The following GMPPB variants were observed in gnomAD, a reference collection of about 807,000 sequenced individuals.
The protein encoded by GMPPB is mannose-1-phosphate guanylyltransferase catalytic subunit beta.
Under a neutral mutation model 40.3 loss-of-function variants are expected in GMPPB, and 38 were observed. That is an observed-to-expected ratio of 0.94 (90% CI 0.73 to 1.24). The LOEUF (loss-of-function observed/expected upper bound fraction) is 1.24. Ranked by LOEUF, GMPPB falls within the 50% of genes most tolerant of loss-of-function variation. The probability of loss-of-function intolerance (pLI) is 0.00; values close to 1 mark genes in which losing one functional copy is unlikely to be tolerated. For synonymous variants in GMPPB, 193 were observed against 191.8 expected, an observed-to-expected ratio of 1.01 and a Z score of -0.05; for missense variants, 436 against 487.1, an observed-to-expected ratio of 0.90 and a Z score of 0.99.
intron 4 of GMPPB, 69 bp from the exon 5 acceptor site, chr3:49,722,823 G>C (rs2080438571): frequency 6.5e-7 from 1 of 1,542,090 alleles, no homozygotes. Flanking sequence ...TGCCGTTCCA[G>C]ATCTCAAGAG....
At position 49,720,762 on chromosome 3, in the gene GMPPB, C is replaced by T. The variant is rs761187921; in HGVS notation, c.*990G>A. On this transcript the variant is annotated 3_prime_UTR_variant, in exon 9 of 9. Coordinates refer to ENST00000308388, the MANE Select transcript of GMPPB (RefSeq NM_021971.4). Reference sequence around the variant, plus strand: ...GAATATTCAAGAGGCATCACATCCTCAGCTACCTCTGACTTGACACTACCT... The same window carrying T: ...GAATATTCAAGAGGCATCACATCCTTAGCTACCTCTGACTTGACACTACCT... The T allele has an allele frequency of 3.1e-6, 5 of 1,612,712 alleles. No individual in the cohort carries two copies. Among genetic ancestry groups the T allele is most frequent in the African/African-American group, 2.7e-5 (2 of 74,890 alleles).
rs1233054949 is a variant in GMPPB at position 49,720,495 on chromosome 3, ACCCT to A, written c.*1253_*1256del. 13 of 1,542,614 alleles carry A rather than the reference ACCCT, an allele frequency of 8.4e-6. No individual in the cohort carries two copies. Among genetic ancestry groups the A allele is most frequent in the Non-Finnish European group, 1.1e-5 (13 of 1,143,356 alleles). Reference sequence around the variant, plus strand: ...CCCCAAGCCTTCTGACTGCCCTTGCACCCTCCCCTACCTAGGAGAGAGCAAGCCA... The same window carrying A: ...CCCCAAGCCTTCTGACTGCCCTTGCACCCCTACCTAGGAGAGAGCAAGCCA... On this transcript the variant is annotated 3_prime_UTR_variant, in exon 9 of 9. Transcript: ENST00000308388.
intron 2 of GMPPB, 23 bp from the exon 3 acceptor site, chr3:49,723,325 G>A (rs1382554277): frequency 6.2e-7 from 1 of 1,614,112 alleles, no homozygotes; most frequent in East Asian, 2.2e-5. Context: ...GGCCCCCCCA[G>A]TCAGGTTCTA....
In GMPPB at chr3:49,722,697, CTG is replaced by C. The variant is rs1553691918; in HGVS notation, c.458_459del (p.Thr153ArgfsTer17). The C allele has an allele frequency of 1.2e-6, 2 of 1,613,866 alleles. No homozygotes were observed. The highest frequency in any genetic ancestry group is 1.6e-4 in the Middle Eastern group (1 of 6,062). On this transcript the variant is annotated frameshift_variant, in exon 5 of 9. Coordinates refer to ENST00000308388, the MANE Select transcript of GMPPB (RefSeq NM_021971.4). LOFTEE classifies it high-confidence loss of function. Reference sequence around the variant, plus strand: ...TTCTCCACGAACCGGTGAATGCGGCCTGTGTCAGCCTCACACACCACCACACC... The same window carrying C: ...TTCTCCACGAACCGGTGAATGCGGCCTGTCAGCCTCACACACCACCACACC... ...KYGVVVCEAD[T>X]GRIHRFVEKP...
chr3:49,722,993 A>T lies in GMPPB; in HGVS notation c.381T>A (p.His127Gln). The T allele has an allele frequency of 1.2e-6, 2 of 1,613,874 alleles. No individual in the cohort carries two copies. Among genetic ancestry groups the T allele is most frequent in the Non-Finnish European group, 1.7e-6 (2 of 1,179,948 alleles). ...TTACCAGGATGGAGCCCTCCTGGCCATGGTGCCGGTGGAACTGCACCATGG... is the reference window on the plus strand; with the variant it reads ...TTACCAGGATGGAGCCCTCCTGGCCTTGGTGCCGGTGGAACTGCACCATGG... ...FQAMVQFHRH[H>Q]GQEGSILVTK... The change falls in exon 4 of 9, where the codon CAT (histidine) becomes CAA (glutamine). Residue 127 changes from histidine to glutamine, a missense_variant. Transcript: ENST00000308388.
chr3:49,722,125 T>C lies in GMPPB; in HGVS notation c.791A>G (p.Gln264Arg), dbSNP rs1304295361. 5 of 1,612,248 alleles carry C rather than the reference T, an allele frequency of 3.1e-6. No homozygotes were observed. The highest frequency in any genetic ancestry group is 1.7e-5 in the Admixed American group (1 of 60,004). Residue 264 changes from glutamine (Q) to arginine (R), a missense_variant, in exon 8 of 9, where the codon CAG (glutamine) becomes CGG (arginine). Transcript: ENST00000308388. ...VLVDPSARIG[Q>R]NCSIGPNVSL... ...CACATTGGGGCCAATGCTGCAGTTC[T>C]GGCCGATGCGGGCACTTGGGTCCTG...
Position 49,722,126 on chromosome 3 carries a change from G to A in GMPPB, c.790C>T (p.Gln264Ter), listed in dbSNP as rs763971677. 3 of 1,612,006 alleles carry A rather than the reference G, an allele frequency of 1.9e-6. No individual in the cohort carries two copies. Among genetic ancestry groups the A allele is most frequent in the Non-Finnish European group, 1.7e-6 (2 of 1,178,752 alleles). ...ACATTGGGGCCAATGCTGCAGTTCT[G>A]GCCGATGCGGGCACTTGGGTCCTGA... Reference protein sequence around the residue: ...VLVDPSARIGQNCSIGPNVSL... With the variant: ...VLVDPSARIG Residue 264 changes from glutamine to a stop codon, truncating the protein, a stop_gained, in exon 8 of 9, where the codon CAG (glutamine) becomes TAG (stop). Coordinates refer to ENST00000308388, the MANE Select transcript of GMPPB (RefSeq NM_021971.4). LOFTEE classifies it high-confidence loss of function.
rs1475452426 is a variant in GMPPB at position 49,720,698 on chromosome 3, C to G, written c.*1054G>C. On this transcript the variant is annotated 3_prime_UTR_variant, in exon 9 of 9. Coordinates refer to ENST00000308388, the MANE Select transcript of GMPPB (RefSeq NM_021971.4). ...AGGTCAGGGAAATCTGGGGCTGGGTCGGGTCAGGAGCCTTAAGAACAGCAA... is the reference window on the plus strand; with the variant it reads ...AGGTCAGGGAAATCTGGGGCTGGGTGGGGTCAGGAGCCTTAAGAACAGCAA... 7.5e-6 allele frequency: 12 copies of G among 1,597,192 alleles called. No individual in the cohort carries two copies. Among genetic ancestry groups the G allele is most frequent in the South Asian group, 4.4e-5 (4 of 90,172 alleles).
At chr3:49,723,564 C>T in intron 1 of GMPPB, 34 bp downstream of exon 1, 1 of 1,606,762 alleles carries the variant, frequency 6.2e-7, no homozygotes, top group South Asian at 1.1e-5. Flanking sequence ...CCGCCAGATC[C>T]GAACGCGACT....
Position 49,721,184 on chromosome 3 carries a change from G to A in GMPPB, c.*568C>T, listed in dbSNP as rs1207444299. ...AGTCCTCATCCCCTCCCCTGTTGTA[G>A]AGCCTGTATCAACCAGCACCTGATG... On this transcript the variant is annotated 3_prime_UTR_variant, in exon 9 of 9. Transcript: ENST00000308388. 1 of 1,614,198 alleles carries A rather than the reference G, an allele frequency of 6.2e-7. No individual in the cohort carries two copies. The highest frequency in any genetic ancestry group is 1.7e-5 in the Admixed American group (1 of 60,026).
rs765317497 is a variant in GMPPB, at chr3:49,722,290, T to TCAGTGA, written c.703_708dup (p.Ser235_Leu236dup). ...CACAGCCGCTCAGGCTGCTTCTGCC[T>TCAGTGA]CAGTGACTGCAGGAAGAGGCACATG... On this transcript the variant is annotated inframe_insertion, in exon 7 of 9. Coordinates refer to ENST00000308388, the MANE Select transcript of GMPPB (RefSeq NM_021971.4). The TCAGTGA allele has an allele frequency of 1.9e-6, 3 of 1,613,862 alleles. No homozygotes were observed. The highest frequency in any genetic ancestry group is 2.5e-6 in the Non-Finnish European group (3 of 1,180,020).
In GMPPB at chr3:49,723,383, G is replaced by A. The variant is rs775118468; in HGVS notation, c.210+9C>T. On this transcript the variant is annotated intron_variant, in intron 2 of 8. Coordinates refer to ENST00000308388, the MANE Select transcript of GMPPB (RefSeq NM_021971.4). The stretch of plus-strand genomic sequence containing the variant: ...GACCGAGAATAAGGGCCAAGAGTCT[G>A]TGCCTCACCCTCTGCTCCTGTGCCT... The A allele has an allele frequency of 1.4e-5, 22 of 1,613,936 alleles. No individual in the cohort carries two copies. The East Asian group carries it at 4.7e-4, about 34-fold the overall frequency.
chr3:49,721,767 A>C lies in GMPPB; in HGVS notation c.1068T>G (p.Pro356=). ...HKSIGESVPE[P]RIIM ...CTGCATCCCCTCACATGATGATACG[A>C]GGCTCTGGCACTGACTCGCCAATAG... The change falls in exon 9 of 9, where the codon CCT becomes CCG. Residue 356 remains proline, a synonymous_variant. Transcript: ENST00000308388. 6.2e-7 allele frequency: 1 copy of C among 1,605,336 alleles called. No individual in the cohort carries two copies. Among genetic ancestry groups the C allele is most frequent in the Non-Finnish European group, 8.5e-7 (1 of 1,178,010 alleles).
At position 49,723,089 on chromosome 3, in the gene GMPPB, G is replaced by A. The variant is rs1216874318; in HGVS notation, c.285C>T (p.Asp95=). The A allele has an allele frequency of 6.2e-7, 1 of 1,613,950 alleles. No homozygotes were observed. The highest frequency in any genetic ancestry group is 8.5e-7 in the Non-Finnish European group (1 of 1,179,950). Residue 95 remains aspartate, a synonymous_variant, in exon 4 of 9, where the codon GAC becomes GAT. Coordinates refer to ENST00000308388, the MANE Select transcript of GMPPB (RefSeq NM_021971.4). The part of the protein sequence containing the change: ...GTAGPLALAR[D]LLSETADPFF... ...AAGGGTCTGCAGTCTCAGAGAGTAG[G>A]TCACGGGCCAGCGCCAGGGGCCCAG...
Position 49,723,638 on chromosome 3 carries a change from T to C in GMPPB, c.89A>G (p.Asn30Ser), listed in dbSNP as rs754181889. The stretch of plus-strand genomic sequence containing the variant: ...CACTTGGTGCAGCAAGATGGGCTTA[T>C]TGCAGAAGTCCACCAGTGGCTTCGG... ...STPKPLVDFC[N>S]KPILLHQVEA... The change falls in exon 1 of 9, where the codon AAT (asparagine) becomes AGT (serine). Residue 30 changes from asparagine to serine, a missense_variant. Physicochemically the swap from Asn to Ser is conservative, Grantham distance 46 (BLOSUM62 1). Coordinates refer to ENST00000308388, the MANE Select transcript of GMPPB (RefSeq NM_021971.4). 9 of 1,584,156 alleles carry C rather than the reference T, an allele frequency of 5.7e-6. No homozygotes were observed. Among genetic ancestry groups the C allele is most frequent in the East Asian group, 4.5e-5 (2 of 44,684 alleles).
At position 49,722,701 on chromosome 3, in the gene GMPPB, G is replaced by A. The variant is rs539980850; in HGVS notation, c.456C>T (p.Asp152=). Residue 152 remains aspartate, a synonymous_variant, in exon 5 of 9, where the codon GAC becomes GAT. Transcript: ENST00000308388. ...CCACGAACCGGTGAATGCGGCCTGT[G>A]TCAGCCTCACACACCACCACACCGT... ...SKYGVVVCEA[D]TGRIHRFVEK... 3.7e-6 allele frequency: 6 copies of A among 1,613,836 alleles called. No homozygotes were observed. The African/African-American group carries it at 6.7e-5, about 18-fold the overall frequency.
rs984447132 is a variant in GMPPB at position 49,721,158 on chromosome 3, C to T, written c.*594G>A. On this transcript the variant is annotated 3_prime_UTR_variant, in exon 9 of 9. Transcript: ENST00000308388. ...GGGAGAGCAGTAGGTACATGCAGGGCAGTCCTCATCCCCTCCCCTGTTGTA... is the reference window on the plus strand; with the variant it reads ...GGGAGAGCAGTAGGTACATGCAGGGTAGTCCTCATCCCCTCCCCTGTTGTA... The T allele has an allele frequency of 6.2e-7, 1 of 1,614,124 alleles. No homozygotes were observed.
chr3:49,721,772 C>T lies in GMPPB; in HGVS notation c.1063G>A (p.Glu355Lys). ...TCCCCTCACATGATGATACGAGGCT[C>T]TGGCACTGACTCGCCAATAGACTTG... ...PHKSIGESVPEPRIIM is the reference protein window; with the variant it reads ...PHKSIGESVPKPRIIM Residue 355 changes from glutamate (E) to lysine (K), a missense_variant, in exon 9 of 9, where the codon GAG becomes AAG. Coordinates refer to ENST00000308388, the MANE Select transcript of GMPPB (RefSeq NM_021971.4). 6.2e-7 allele frequency: 1 copy of T among 1,607,344 alleles called. No individual in the cohort carries two copies. The highest frequency in any genetic ancestry group is 2.2e-5 in the East Asian group (1 of 44,882).
In GMPPB at chr3:49,723,013, C is replaced by T. The variant is rs754597337; in HGVS notation, c.361G>A (p.Val121Met). The change falls in exon 4 of 9, where the codon GTG (valine) becomes ATG (methionine). Residue 121 changes from valine (V) to methionine (M), a missense_variant. Transcript: ENST00000308388. ...VICDFPFQAM[V>M]QFHRHHGQEG... Reference sequence around the variant, plus strand: ...TGGCCATGGTGCCGGTGGAACTGCACCATGGCTTGGAAGGGGAAATCGCAG... The same window carrying T: ...TGGCCATGGTGCCGGTGGAACTGCATCATGGCTTGGAAGGGGAAATCGCAG... The T allele has an allele frequency of 1.2e-6, 2 of 1,613,816 alleles. No individual in the cohort carries two copies. Among genetic ancestry groups the T allele is most frequent in the East Asian group, 2.2e-5 (1 of 44,878 alleles).
Sources: allele counts gnomAD v4.1 joint callset, GRCh38; gene constraint gnomAD v4.1.1; transcripts MANE v1.5; gene names NCBI Gene and HGNC (gene_info 2026-07-23, HGNC 2026-07-21).